The following ATP6V1B1 variants were observed in gnomAD, a reference collection of about 807,000 sequenced individuals.
ATP6V1B1 encodes the protein ATPase H+ transporting V1 subunit B1.
Under a neutral mutation model 62.1 loss-of-function variants are expected in ATP6V1B1, and 41 were observed. That is an observed-to-expected ratio of 0.66 (90% CI 0.51 to 0.86). The LOEUF is 0.86. ATP6V1B1 is among the 40% of genes least tolerant of loss of function. ATP6V1B1 has a pLI of 0.00. For synonymous variants in ATP6V1B1, 253 were observed against 273.4 expected, an observed-to-expected ratio of 0.93 and a Z score of 0.74; for missense variants, 651 against 697.5, an observed-to-expected ratio of 0.93 and a Z score of 0.75.
intron 2 of ATP6V1B1, chr2:70,956,198 C>G: frequency 4.2e-6 from 1 of 235,852 alleles, no homozygotes; most frequent in East Asian, 1.1e-4. Context: ...GCATCAGGGA[C>G]TTCATAGCCA....
intron 2 of ATP6V1B1, among the ~76,000 whole-genome samples, chr2:70,945,729 T>TATAC (rs1444213348): frequency 7.3e-6 from 1 of 136,382 alleles, no homozygotes; most frequent in Admixed American, 7.3e-5. Context: ...TATATATATA[T>TATAC]ATATATATAT....
At chr2:70,940,890 TTTTC>T (rs1679981662) in intron 1 of ATP6V1B1, 1 of 962,254 alleles carries the variant, frequency 1.0e-6, no homozygotes, top group South Asian at 5.1e-5. Flanking sequence ...TTTCTTCTTT[TTTTC>T]TTTTTTCTTT....
chr2:70,943,847 C>A, intron 2 of ATP6V1B1, 134 bp downstream of exon 2: 1 of 1,294,148 alleles, frequency 7.7e-7, no homozygotes, highest in South Asian at 1.3e-5. Context: ...TCCATCCAGG[C>A]ACCCACTCCC....
rs1293649401 is a variant in ATP6V1B1, at chr2:70,965,214, G to GCCGCCCT, written c.*105_*111dup. 15 of 1,543,402 alleles carry GCCGCCCT rather than the reference G, an allele frequency of 9.7e-6. No individual in the cohort carries two copies. The African/African-American group carries it at 1.9e-4, about 20-fold the overall frequency. ...CGCCACCCCAACCAGCGGCTTCTGC[G>GCCGCCCT]CCGCCCTCCGCCCTCCGCTGGCTCC... On this transcript the variant is annotated 3_prime_UTR_variant, in exon 14 of 14. Transcript: ENST00000234396.
intron 2 of ATP6V1B1, among the ~76,000 whole-genome samples, chr2:70,945,248 A>G (rs1363968440): frequency 6.6e-6 from 1 of 152,246 alleles, no homozygotes; most frequent in East Asian, 1.9e-4. Flanking sequence ...GTAATGTGGT[A>G]TGAAAATATC....
intron 1 of ATP6V1B1, chr2:70,939,834 A>C (rs1268609207): frequency 1.3e-5 from 2 of 152,360 alleles, no homozygotes; most frequent in East Asian, 3.8e-4. Flanking sequence ...GGCATAGTCC[A>C]ATGCTGAACA....
intron 3 of ATP6V1B1, 76 bp from the exon 4 acceptor site, chr2:70,958,257 A>G (rs560415314): frequency 6.3e-7 from 1 of 1,595,832 alleles, no homozygotes; most frequent in South Asian, 1.1e-5. Flanking sequence ...CTGAGAGCAC[A>G]GAAAGTGCCC....
At chr2:70,943,376 A>G in intron 1 of ATP6V1B1, 2 of 591,616 alleles carry the variant, frequency 3.4e-6, no homozygotes, top group Admixed American at 2.6e-5. Context: ...AGCCTCAGGG[A>G]TGAGAGGCCT....
intron 2 of ATP6V1B1, among the ~76,000 whole-genome samples, chr2:70,946,805 G>A (rs933463176): frequency 6.6e-6 from 1 of 152,198 alleles, no homozygotes; most frequent in Middle Eastern, 3.4e-3. Flanking sequence ...GCATGGAGTC[G>A]GAACCTATAC....
chr2:70,962,484 A>G (rs551874418), intron 8 of ATP6V1B1, among the ~76,000 whole-genome samples: 3 of 152,266 alleles, frequency 2.0e-5, no homozygotes, highest in Non-Finnish European at 4.4e-5. Context: ...AGCCACTCTC[A>G]TCTTCATCAG....
intron 2 of ATP6V1B1, chr2:70,947,393 G>C (rs1680207683): frequency 6.6e-6 from 1 of 152,216 alleles, no homozygotes; most frequent in South Asian, 2.1e-4. Flanking sequence ...GGAGGCCCAA[G>C]AATGTACATT....
At chr2:70,942,471 C>G in intron 1 of ATP6V1B1, 1 of 398,490 alleles carries the variant, frequency 2.5e-6, no homozygotes, top group Non-Finnish European at 4.4e-6. Context: ...AAAGAAGAAG[C>G]TTGACCACAC....
rs146844637 is a variant in ATP6V1B1, at chr2:70,963,284, G to C, written c.1032G>C (p.Gln344His). ...AGGGTCGGGGAGGATCCATCACACA[G>C]ATCCCCATCCTCACCATGCCCAACG... is the stretch of plus-strand genomic sequence containing the variant. ...RVEGRGGSIT[Q>H]IPILTMPNDD... The change falls in exon 10 of 14, where the codon CAG (glutamine) becomes CAC (histidine). Residue 344 changes from glutamine to histidine, a missense_variant. By Grantham distance (24) the Gln-to-His change is conservative (BLOSUM62 0). Transcript: ENST00000234396. This position sits in a 1 kb window ranked among gnomAD's most constrained non-coding sequence, Gnocchi z 4.3. The C allele has an allele frequency of 5.0e-6, 8 of 1,613,366 alleles. No homozygotes were observed. Among genetic ancestry groups the C allele is most frequent in the Non-Finnish European group, 6.8e-6 (8 of 1,180,008 alleles).
chr2:70,942,535 C>T (rs1265274619), intron 1 of ATP6V1B1: 1 of 396,424 alleles, frequency 2.5e-6, no homozygotes, highest in Non-Finnish European at 4.4e-6. Context: ...CATGGGGTGG[C>T]TCGGGGCCAG....
chr2:70,949,548 A>T (rs917918532), intron 2 of ATP6V1B1, among the ~76,000 whole-genome samples: 1 of 152,172 alleles, frequency 6.6e-6, no homozygotes, highest in African/African-American at 2.4e-5. Flanking sequence ...CCAACCAGGT[A>T]TGAGAGGACC....
In ATP6V1B1 at chr2:70,965,311, C is replaced by A. The variant is rs1680700153; in HGVS notation, c.*190C>A. 1.3e-6 allele frequency: 1 copy of A among 758,298 alleles called. No individual in the cohort carries two copies. The highest frequency in any genetic ancestry group is 1.8e-5 in the South Asian group (1 of 54,806). 47.0% of individuals were successfully genotyped at this position (758,298 alleles called of 1,614,324 possible). Reference sequence around the variant, plus strand: ...TCCTTTTCCCGCGCTCCATGCCTCCCCCTCGACTCCCGGTGCTGCGGAAGA... The same window carrying A: ...TCCTTTTCCCGCGCTCCATGCCTCCACCTCGACTCCCGGTGCTGCGGAAGA... On this transcript the variant is annotated 3_prime_UTR_variant, in exon 14 of 14. Coordinates refer to ENST00000234396, the MANE Select transcript of ATP6V1B1 (RefSeq NM_001692.4).
Position 70,965,247 on chromosome 2 carries a change from T to A in ATP6V1B1, c.*126T>A, listed in dbSNP as rs1003867774. 2.9e-5 allele frequency: 39 copies of A among 1,361,782 alleles called. No homozygotes were observed. Among genetic ancestry groups the A allele is most frequent in the Non-Finnish European group, 3.8e-5 (38 of 993,402 alleles). 84.4% of individuals were successfully genotyped at this position (1,361,782 alleles called of 1,614,324 possible). ...CCGCCCTCCGCTGGCTCCGAGGTGG[T>A]GGGGGCGCCGCACGCTCCATCCCTT... On this transcript the variant is annotated 3_prime_UTR_variant, in exon 14 of 14. Coordinates refer to ENST00000234396, the MANE Select transcript of ATP6V1B1 (RefSeq NM_001692.4).
Position 70,936,063 on chromosome 2 carries a change from C to G in ATP6V1B1, c.109C>G (p.Pro37Ala), listed in dbSNP as rs782369259. Reference sequence around the variant, plus strand: ...GGTCACCCGAAACTACATCACCCACCCCCGTGTCAGTGAGTAGCCCCTCCA... The same window carrying G: ...GGTCACCCGAAACTACATCACCCACGCCCGTGTCAGTGAGTAGCCCCTCCA... ...QAVTRNYITH[P>A]RVTYRTVCSV... Residue 37 changes from proline (P) to alanine (A), a missense_variant, in exon 1 of 14, where the codon CCC becomes GCC. Coordinates refer to ENST00000234396, the MANE Select transcript of ATP6V1B1 (RefSeq NM_001692.4). 4.3e-6 allele frequency: 7 copies of G among 1,613,912 alleles called. No homozygotes were observed. In the East Asian group the frequency reaches 1.6e-4, roughly 36 times the overall value.
rs1553420780 is a variant in ATP6V1B1 at position 70,964,830 on chromosome 2, TC to T, written c.1345del (p.Leu449CysfsTer38). ...TCTGAGGACCTGCTCTACCTGGAAT[TC>T]CTGCAGAAGTTTGAGAAGAACTTCA... ...LTSEDLLYLE[F>X]LQKFEKNFIN... On this transcript the variant is annotated frameshift_variant, in exon 13 of 14. Coordinates refer to ENST00000234396, the MANE Select transcript of ATP6V1B1 (RefSeq NM_001692.4). LOFTEE classifies it high-confidence loss of function. 1 of 1,613,996 alleles carries T rather than the reference TC, an allele frequency of 6.2e-7. No individual in the cohort carries two copies. Among genetic ancestry groups the T allele is most frequent in the South Asian group, 1.1e-5 (1 of 91,084 alleles).
Sources: allele counts gnomAD v4.1 joint callset (sites outside exome capture counted in the v4.1 genomes callset), GRCh38; gene constraint gnomAD v4.1.1; non-coding constraint Gnocchi (gnomAD v3.1); transcripts MANE v1.5; gene names NCBI Gene and HGNC (gene_info 2026-07-23, HGNC 2026-07-21).